Variants in LZTS1 observed in about 807,000 individuals in gnomAD.
The protein encoded by LZTS1 is leucine zipper putative tumor suppressor 1.
Under a neutral mutation model 45.8 loss-of-function variants are expected in LZTS1, and 31 were observed. The observed-to-expected ratio is 0.68, with a 90% CI of 0.51 to 0.91. LZTS1 has a LOEUF of 0.91. LZTS1 is among the 40% of genes least tolerant of loss of function. The pLI, the probability that LZTS1 is intolerant of heterozygous loss-of-function variation, is 0.00. For synonymous variants in LZTS1, 359 were observed against 357.3 expected (o/e 1.00, Z -0.05); for missense variants, 821 against 788.9 (o/e 1.04, Z -0.49).
At chr8:20,276,130 G>C (rs763519430) in intron 1 of LZTS1, among the ~76,000 whole-genome samples, 2 of 152,150 alleles carry the variant, frequency 1.3e-5, no homozygotes, top group Non-Finnish European at 2.9e-5. Flanking sequence ...TCCTGGGATA[G>C]ATTCATTTTA....
rs145871835 is a variant in LZTS1, at chr8:20,267,740, C to T, written c.-134-12425G>A. Among the ~76,000 whole-genome samples the T allele has an allele frequency of 8.7e-3, 1,332 of 152,236 alleles. 23 individuals carry two copies. The highest frequency in any genetic ancestry group is 0.031 in the African/African-American group (1,278 of 41,548). ...CCATGTTGGCCAGGATGGTCTCGAT[C>T]TCTTGACCTCATGATCCACCCGACT... On this transcript the variant is annotated intron_variant, in intron 1 of 3. Transcript: ENST00000381569.
intron 1 of LZTS1, among the ~76,000 whole-genome samples, chr8:20,292,510 T>C (rs941559993): frequency 6.6e-6 from 1 of 152,116 alleles, no homozygotes; most frequent in African/African-American, 2.4e-5. Context: ...CACAGAACCC[T>C]TAGGACAGAA....
At position 20,249,418 on chromosome 8, in the gene LZTS1, T is replaced by G; in HGVS notation, c.*304A>C. 1 of 322,608 alleles carries G rather than the reference T, an allele frequency of 3.1e-6. No individual in the cohort carries two copies. 20.0% of individuals were successfully genotyped at this position (322,608 alleles called of 1,614,324 possible). A position where few individuals can be genotyped will look rare whatever the true frequency, so the allele number is the denominator to read the frequency against. ...CCTTCCCTGGAGGAGGGGGAGAGGA[T>G]ATCTATTTCGAACAAAGGCCAAAGT... On this transcript the variant is annotated 3_prime_UTR_variant, in exon 4 of 4. Coordinates refer to ENST00000381569, the MANE Select transcript of LZTS1 (RefSeq NM_021020.5).
chr8:20,267,507 C>A (rs1800385176), intron 1 of LZTS1, among the ~76,000 whole-genome samples: 1 of 152,014 alleles, frequency 6.6e-6, no homozygotes, highest in Admixed American at 6.6e-5. Context: ...TCAGAACAGA[C>A]ACTTGTTTTT....
chr8:20,270,856 G>T (rs544769652), intron 1 of LZTS1, among the ~76,000 whole-genome samples: 1 of 151,788 alleles, frequency 6.6e-6, no homozygotes, highest in Non-Finnish European at 1.5e-5. Flanking sequence ...GAGGGAAGGG[G>T]TGGAACAGGG....
At chr8:20,284,431 C>T (rs145274337) in intron 1 of LZTS1, among the ~76,000 whole-genome samples, 28 of 152,164 alleles carry the variant, frequency 1.8e-4, no homozygotes, top group Admixed American at 8.5e-4. Context: ...GCTGGGAGCC[C>T]GCAGCCATCA....
rs368120512 is a variant in LZTS1 at position 20,271,313 on chromosome 8, G to A, written c.-134-15998C>T. 5.3e-5 allele frequency among the ~76,000 whole-genome samples: 8 copies of A among 152,190 alleles called. No individual in the cohort carries two copies. In the South Asian group the frequency reaches 1.2e-3, roughly 24 times the overall value. ...GCCGCTGAGCCTGGGTTGAGCATCC[G>A]GCCGTGTTTCCACTCTCCTGGAGTC... is the stretch of plus-strand genomic sequence containing the variant. On this transcript the variant is annotated intron_variant, in intron 1 of 3. Transcript: ENST00000381569.
intron 1 of LZTS1, among the ~76,000 whole-genome samples, chr8:20,258,960 A>G (rs1372835458): frequency 6.6e-6 from 1 of 152,142 alleles, no homozygotes; most frequent in African/African-American, 2.4e-5. Flanking sequence ...ATGTGTTTTC[A>G]TCCCCCTAGG....
intron 1 of LZTS1, among the ~76,000 whole-genome samples, chr8:20,297,221 A>G (rs1800992035): frequency 6.6e-6 from 1 of 152,232 alleles, no homozygotes; most frequent in Non-Finnish European, 1.5e-5. Context: ...TAAGGTTGGT[A>G]TTCCAATGAA....
chr8:20,250,421 G>T, intron 3 of LZTS1, 58 bp from the exon 4 acceptor site: 1 of 1,497,564 alleles, frequency 6.7e-7, no homozygotes. Context: ...ACCCAGGGAA[G>T]TGACAGCTCA....
At chr8:20,253,692 C>A in intron 2 of LZTS1, 107 bp from the exon 3 acceptor site, 1 of 811,392 alleles carries the variant, frequency 1.2e-6, no homozygotes, top group Non-Finnish European at 1.8e-6. Flanking sequence ...GCTCTCTGAG[C>A]GCACGCAGCA....
chr8:20,256,060 C>CAAAAAAAAAAAA (rs386412254), intron 1 of LZTS1, among the ~76,000 whole-genome samples: 1 of 56,456 alleles, frequency 1.8e-5, no homozygotes, highest in Non-Finnish European at 3.2e-5. Flanking sequence ...GGGCCTGACT[C>CAAAAAAAAAAAA]AAAAAAAAAA....
intron 1 of LZTS1, among the ~76,000 whole-genome samples, chr8:20,300,309 G>A (rs1036333650): frequency 6.6e-6 from 1 of 152,086 alleles, no homozygotes; most frequent in African/African-American, 2.4e-5. Flanking sequence ...CATACTCATA[G>A]TATCTACTGA....
chr8:20,261,603 A>C (rs66871127), intron 1 of LZTS1, among the ~76,000 whole-genome samples: 10,659 of 152,262 alleles, frequency 0.07, 434 homozygotes, highest in Middle Eastern at 0.14. Context: ...GCAAAGTGAC[A>C]CCTGCCTCTG....
chr8:20,273,869 T>C (rs1800523937), intron 1 of LZTS1, among the ~76,000 whole-genome samples: 1 of 152,136 alleles, frequency 6.6e-6, no homozygotes, highest in African/African-American at 2.4e-5. Flanking sequence ...CCTTCATGAC[T>C]GGGACTTTCT....
intron 1 of LZTS1, among the ~76,000 whole-genome samples, chr8:20,262,505 G>C (rs925328002): frequency 1.3e-5 from 2 of 152,132 alleles, no homozygotes; most frequent in Admixed American, 1.3e-4. Flanking sequence ...TACTACTTTA[G>C]ATGGAGTGGC....
At chr8:20,262,642 T>G (rs1800260509) in intron 1 of LZTS1, among the ~76,000 whole-genome samples, 1 of 152,148 alleles carries the variant, frequency 6.6e-6, no homozygotes, top group South Asian at 2.1e-4. Flanking sequence ...AACTTGGGCT[T>G]GGTGTCAGAG....
intron 1 of LZTS1, among the ~76,000 whole-genome samples, chr8:20,281,604 C>T (rs959015579): frequency 3.3e-5 from 5 of 152,064 alleles, no homozygotes; most frequent in African/African-American, 9.7e-5. Flanking sequence ...GCCCTCCTCA[C>T]AGTCATGAGT....
At chr8:20,289,288 G>C (rs1346123871) in intron 1 of LZTS1, 1 of 152,182 alleles carries the variant, frequency 6.6e-6, no homozygotes, top group Non-Finnish European at 1.5e-5. Flanking sequence ...CTCCCCTCTG[G>C]AGGCATCCTT....
Sources: allele counts gnomAD v4.1 joint callset (sites outside exome capture counted in the v4.1 genomes callset), GRCh38; gene constraint gnomAD v4.1.1; transcripts MANE v1.5; gene names NCBI Gene and HGNC (gene_info 2026-07-23, HGNC 2026-07-21).